The following CHDH variants were observed in gnomAD, a reference collection of about 807,000 sequenced individuals.
CHDH encodes the protein choline dehydrogenase.
Under a neutral mutation model 56.9 loss-of-function variants are expected in CHDH, and 43 were observed. The observed-to-expected ratio is 0.76, with a 90% CI of 0.59 to 0.97. The LOEUF (loss-of-function observed/expected upper bound fraction) is 0.97, where lower values mean the gene tolerates loss of function less well. Among genes scored for constraint, CHDH ranks in the 50% least tolerant of loss-of-function variants. The pLI is 0.00. For missense variants in CHDH, 816 were observed against 821.1 expected, an observed-to-expected ratio of 0.99 and a Z score of 0.08; for synonymous variants, 364 against 348.5, an observed-to-expected ratio of 1.04 and a Z score of -0.50.
chr3:53,823,930 C>T lies in CHDH; in HGVS notation c.79G>A (p.Ala27Thr). The change falls in exon 3 of 9, where the codon GCC becomes ACC. Residue 27 changes from alanine (A) to threonine (T), a missense_variant. Physicochemically the swap from Ala to Thr is moderately conservative, Grantham distance 58. Transcript: ENST00000315251. ...GALGQQQSLG[A>T]RALASAGSES... ...GAGCCTGCGCTGGCCAGGGCCCGGGCACCCAGGGATTGCTGCTGCCCCAGG... is the reference window on the plus strand; with the variant it reads ...GAGCCTGCGCTGGCCAGGGCCCGGGTACCCAGGGATTGCTGCTGCCCCAGG... 1.3e-6 allele frequency: 2 copies of T among 1,543,376 alleles called. No individual in the cohort carries two copies. Among genetic ancestry groups the T allele is most frequent in the South Asian group, 2.4e-5 (2 of 84,490 alleles).
chr3:53,843,188 C>CTTTTTTT (rs10636132), intron 1 of CHDH, among the ~76,000 whole-genome samples: 6 of 125,178 alleles, frequency 4.8e-5, no homozygotes, highest in East Asian at 2.5e-4. Flanking sequence ...CCCCCCCCAC[C>CTTTTTTT]TTTTTTTTTT....
intron 2 of CHDH, among the ~76,000 whole-genome samples, chr3:53,828,284 T>TA (rs1451740478): frequency 6.6e-6 from 1 of 151,790 alleles, no homozygotes; most frequent in African/African-American, 2.4e-5. Flanking sequence ...TATAAAACTA[T>TA]AAAACTCCTA....
chr3:53,845,777 C>A (rs980131178), intron 1 of CHDH, among the ~76,000 whole-genome samples: 4 of 152,198 alleles, frequency 2.6e-5, no homozygotes, highest in African/African-American at 9.7e-5. Flanking sequence ...TTTGGGAGCC[C>A]CAGGTGTTGC....
In CHDH at chr3:53,819,984, C is replaced by T. The variant is rs996202123; in HGVS notation, c.1121-310G>A. Among the ~76,000 whole-genome samples, 2 of 152,262 alleles carry T rather than the reference C, an allele frequency of 1.3e-5. No homozygotes were observed. Among genetic ancestry groups the T allele is most frequent in the African/African-American group, 4.8e-5 (2 of 41,468 alleles). On this transcript the variant is annotated intron_variant, in intron 6 of 8. Coordinates refer to ENST00000315251, the MANE Select transcript of CHDH (RefSeq NM_018397.5). This position sits in a 1 kb window ranked among gnomAD's most constrained non-coding sequence, Gnocchi z 5.4. Reference sequence around the variant, plus strand: ...CCACTACCTAGCACAGCACACAGCACATACTAGGTGTGTGAGAAATACAGA... The same window carrying T: ...CCACTACCTAGCACAGCACACAGCATATACTAGGTGTGTGAGAAATACAGA...
Position 53,819,631 on chromosome 3 carries a change from G to T in CHDH, c.1164C>A (p.Arg388=), listed in dbSNP as rs1471293059. The change falls in exon 7 of 9, where the codon CGC becomes CGA. Residue 388 remains arginine (R), a synonymous_variant. Coordinates refer to ENST00000315251, the MANE Select transcript of CHDH (RefSeq NM_018397.5). This position sits in a 1 kb window ranked among gnomAD's most constrained non-coding sequence, Gnocchi z 5.4. ...CCGGGTGGGGGACCCCAGGCTGGCT[G>T]CGGATGAACCCACCTGTTTCCAGAT... is the stretch of plus-strand genomic sequence containing the variant. The part of the protein sequence containing the change: ...TAHLETGGFI[R]SQPGVPHPDI... 9 of 1,612,082 alleles carry T rather than the reference G, an allele frequency of 5.6e-6. 1 individual carries two copies. In the South Asian group the frequency reaches 6.6e-5, roughly 12 times the overall value.
chr3:53,834,370 C>T (rs992942503), intron 2 of CHDH, among the ~76,000 whole-genome samples: 2 of 152,106 alleles, frequency 1.3e-5, no homozygotes, highest in African/African-American at 4.8e-5. Context: ...CTCTTGAACC[C>T]AGGAGGCAGA....
In CHDH at chr3:53,818,924, G is replaced by A. The variant is rs765036672; in HGVS notation, c.1366+14C>T. On this transcript the variant is annotated intron_variant, in intron 8 of 8. Transcript: ENST00000315251. ...GTTTGTTCAAGCCCAGGAAGACACA[G>A]GTGGGTGAAGTACCTGTTGACAAGT... The A allele has an allele frequency of 7.2e-6, 11 of 1,530,024 alleles. No homozygotes were observed. Among genetic ancestry groups the A allele is most frequent in the South Asian group, 3.4e-5 (3 of 89,396 alleles). 94.8% of individuals were successfully genotyped at this position (1,530,024 alleles called of 1,614,324 possible).
chr3:53,820,902 G>C (rs28563804), intron 5 of CHDH, among the ~76,000 whole-genome samples: 3,029 of 152,320 alleles, frequency 0.02, 103 homozygotes, highest in African/African-American at 0.067. Context: ...TGTGAGGGCA[G>C]GGCCTACGCC....
rs1390468047 is a variant in CHDH, at chr3:53,814,557, A to ATCTT, written c.*3216_*3219dup. ...ACAGGTCCAGTAGAGATGGTATTTT[A>ATCTT]TCTTTAAAAAATCTGTATTGGATCT... On this transcript the variant is annotated 3_prime_UTR_variant, in exon 9 of 9. Coordinates refer to ENST00000315251, the MANE Select transcript of CHDH (RefSeq NM_018397.5). The ATCTT allele has an allele frequency of 6.6e-6, 1 of 152,148 alleles. No homozygotes were observed. Among genetic ancestry groups the ATCTT allele is most frequent in the Non-Finnish European group, 1.5e-5 (1 of 68,018 alleles). The allele number at this position is 152,148 out of a possible 1,614,324, so 9.4% of individuals were successfully genotyped here.
intron 6 of CHDH, among the ~76,000 whole-genome samples, chr3:53,820,255 C>T (rs913494771): frequency 2.0e-5 from 3 of 152,208 alleles, no homozygotes; most frequent in Non-Finnish European, 2.9e-5. Context: ...CTGGGCCAAG[C>T]TCCTTGGCAT....
At position 53,820,559 on chromosome 3, in the gene CHDH, T is replaced by C. The variant is rs774564809; in HGVS notation, c.1035A>G (p.Ala345=). The C allele has an allele frequency of 1.4e-5, 23 of 1,613,956 alleles. No homozygotes were observed. Among genetic ancestry groups the C allele is most frequent in the African/African-American group, 2.7e-5 (2 of 74,920 alleles). Residue 345 remains alanine, a synonymous_variant, in exon 6 of 9, where the codon GCA becomes GCG. Coordinates refer to ENST00000315251, the MANE Select transcript of CHDH (RefSeq NM_018397.5). ...QDHLEIYIQQ[A]CTRPITLHSA... is the part of the protein sequence containing the mutation. ...AATGGAGGGTGATAGGGCGGGTGCA[T>C]GCCTGCTGAATGTAGATCTCCAGGT... is the stretch of plus-strand genomic sequence containing the variant.
rs574269765 is a variant in CHDH, at chr3:53,816,957, C to G, written c.*820G>C. ...ACCTCCTGGGCTAAAGCCATCCTCC[C>G]GCCTCAGCCTCCCAAGTAGCTGGGA... On this transcript the variant is annotated 3_prime_UTR_variant, in exon 9 of 9. Transcript: ENST00000315251. The G allele has an allele frequency of 2.6e-5, 4 of 151,922 alleles. No homozygotes were observed. Among genetic ancestry groups the G allele is most frequent in the African/African-American group, 9.7e-5 (4 of 41,246 alleles). 9.4% of individuals were successfully genotyped at this position (151,922 alleles called of 1,614,324 possible). A position where few individuals can be genotyped will look rare whatever the true frequency, so the allele number is the denominator to read the frequency against.
At position 53,813,367 on chromosome 3, in the gene CHDH, T is replaced by G. The variant is rs970770575; in HGVS notation, c.*4410A>C. The stretch of plus-strand genomic sequence containing the variant: ...CTTGCACAGAGCTGTCATTTGCCAG[T>G]GAGAGCCTCCGACAGGGCAGGTACT... On this transcript the variant is annotated 3_prime_UTR_variant, in exon 9 of 9. Coordinates refer to ENST00000315251, the MANE Select transcript of CHDH (RefSeq NM_018397.5). 5 of 152,246 alleles carry G rather than the reference T, an allele frequency of 3.3e-5. No individual in the cohort carries two copies. Among genetic ancestry groups the G allele is most frequent in the African/African-American group, 1.2e-4 (5 of 41,464 alleles). 9.4% of individuals were successfully genotyped at this position (152,246 alleles called of 1,614,324 possible). A position where few individuals can be genotyped will look rare whatever the true frequency, so the allele number is the denominator to read the frequency against.
In CHDH at chr3:53,846,338, G is replaced by T; in HGVS notation, c.-386C>A. On this transcript the variant is annotated 5_prime_UTR_variant, in exon 1 of 9. Coordinates refer to ENST00000315251, the MANE Select transcript of CHDH (RefSeq NM_018397.5). ...CCTGGCTCACTGCATGCACGTGTGC[G>T]CGGGGGTAGGCGCGCGCCGCGGCGG... 1 of 445,558 alleles carries T rather than the reference G, an allele frequency of 2.2e-6. No individual in the cohort carries two copies. The highest frequency in any genetic ancestry group is 3.9e-5 in the East Asian group (1 of 25,616). The allele number at this position is 445,558 out of a possible 1,614,324, so 27.6% of individuals were successfully genotyped here.
intron 2 of CHDH, among the ~76,000 whole-genome samples, chr3:53,836,827 G>A (rs1430455759): frequency 6.6e-6 from 1 of 152,230 alleles, no homozygotes; most frequent in Non-Finnish European, 1.5e-5. Flanking sequence ...TCTAGATCCA[G>A]ACCTGGTGAT....
chr3:53,822,340 A>G (rs550916849), intron 4 of CHDH, 151 bp downstream of exon 4: 1 of 684,748 alleles, frequency 1.5e-6, no homozygotes, highest in East Asian at 2.7e-5. Flanking sequence ...CCACCAGCCC[A>G]CTGCCATCAG....
intron 2 of CHDH, among the ~76,000 whole-genome samples, chr3:53,834,253 C>T (rs1286658283): frequency 6.6e-6 from 1 of 151,944 alleles, no homozygotes. Flanking sequence ...TCAAAACCAG[C>T]CTGGCCAACA....
At chr3:53,833,080 C>T (rs1403235512) in intron 2 of CHDH, among the ~76,000 whole-genome samples, 1 of 152,164 alleles carries the variant, frequency 6.6e-6, no homozygotes, top group Non-Finnish European at 1.5e-5. Context: ...CATTTTATTT[C>T]TTGATCTAGA....
chr3:53,818,874 A>G, intron 8 of CHDH, 64 bp downstream of exon 8: 2 of 1,009,576 alleles, frequency 2.0e-6, no homozygotes, highest in Non-Finnish European at 3.2e-6. Flanking sequence ...ATTCAGGGAT[A>G]AACAGGAACC....
Sources: gnomAD v4.1 joint callset for allele counts (sites outside exome capture counted in the v4.1 genomes callset) on GRCh38, gnomAD v4.1.1 for gene constraint, Gnocchi (gnomAD v3.1) non-coding constraint, MANE v1.5 for transcripts, NCBI Gene and HGNC (gene_info 2026-07-23, HGNC 2026-07-21) for gene names.